The following SLCO1A2 variants were observed in gnomAD, a reference collection of about 807,000 sequenced individuals.
SLCO1A2 encodes the protein OATP-1.
Under a neutral mutation model 69.0 loss-of-function variants are expected in SLCO1A2, and 67 were observed. That is an observed-to-expected ratio of 0.97 (90% CI 0.80 to 1.19). The LOEUF is 1.19. Ranked by LOEUF, SLCO1A2 falls within the 50% of genes most tolerant of loss-of-function variation. The probability of loss-of-function intolerance (pLI) is 0.00; values close to 1 mark genes in which losing one functional copy is unlikely to be tolerated. For missense variants in SLCO1A2, 787 were observed against 793.7 expected (o/e 0.99, Z 0.10); for synonymous variants, 260 against 265.9 (o/e 0.98, Z 0.22).
At chr12:21,377,234 A>G (rs1202497170) in intron 1 of SLCO1A2, among the ~76,000 whole-genome samples, 1 of 152,198 alleles carries the variant, frequency 6.6e-6, no homozygotes, top group East Asian at 1.9e-4. Flanking sequence ...TCTTGAAAGC[A>G]TAAGATCCAA....
chr12:21,294,169 T>C lies in SLCO1A2; in HGVS notation c.1272-59A>G, dbSNP rs1012836986. 5 of 1,281,918 alleles carry C rather than the reference T, an allele frequency of 3.9e-6. No homozygotes were observed. The African/African-American group carries it at 7.6e-5, about 20-fold the overall frequency. 79.4% of individuals were successfully genotyped at this position (1,281,918 alleles called of 1,614,324 possible). A position where few individuals can be genotyped will look rare whatever the true frequency, so the allele number is the denominator to read the frequency against. ...AAAGAGGATTCAATCCTTTTTTTCTTCTTTTCATCTCAATCCCCAGTTAGA... is the reference window on the plus strand; with the variant it reads ...AAAGAGGATTCAATCCTTTTTTTCTCCTTTTCATCTCAATCCCCAGTTAGA... On this transcript the variant is annotated intron_variant, in intron 10 of 14. Transcript: ENST00000683939.
chr12:21,349,881 C>T (rs549312475), intron 2 of SLCO1A2, among the ~76,000 whole-genome samples: 3 of 152,254 alleles, frequency 2.0e-5, no homozygotes, highest in Non-Finnish European at 2.9e-5. Context: ...TATCATCACC[C>T]CTTTAATTGC....
chr12:21,287,657 T>G (rs1273001484), intron 12 of SLCO1A2, among the ~76,000 whole-genome samples: 1 of 127,254 alleles, frequency 7.9e-6, no homozygotes, highest in African/African-American at 3.1e-5. Flanking sequence ...GTGGCACATA[T>G]ACACCATGGA....
intron 2 of SLCO1A2, among the ~76,000 whole-genome samples, chr12:21,334,041 T>C (rs966858237): frequency 6.6e-6 from 1 of 151,984 alleles, no homozygotes; most frequent in Non-Finnish European, 1.5e-5. Context: ...TTCAAATTTG[T>C]TTGAATATAA....
intron 1 of SLCO1A2, among the ~76,000 whole-genome samples, chr12:21,392,825 C>T (rs55820877): frequency 6.6e-6 from 1 of 152,144 alleles, no homozygotes; most frequent in Non-Finnish European, 1.5e-5. Flanking sequence ...TAAGAGAAGT[C>T]ACTTTCAATT....
At chr12:21,317,598 C>T (rs113723655) in intron 3 of SLCO1A2, among the ~76,000 whole-genome samples, 119 of 152,266 alleles carry the variant, frequency 7.8e-4, no homozygotes, top group African/African-American at 2.6e-3. Flanking sequence ...TGAGTCAATT[C>T]GTGGGCTATA....
At chr12:21,336,178 C>T (rs1229394003), upstream of SLCO1A2, among the ~76,000 whole-genome samples, 1 of 151,982 alleles carries the variant, frequency 6.6e-6, no homozygotes, top group Non-Finnish European at 1.5e-5. Flanking sequence ...TATCTTAGCC[C>T]AATATAGTCA....
At chr12:21,314,740 C>A in intron 3 of SLCO1A2, 59 bp from the exon 4 acceptor site, 2 of 1,251,498 alleles carry the variant, frequency 1.6e-6, no homozygotes, top group South Asian at 2.5e-5. Flanking sequence ...TAATTAAGAG[C>A]CTCACCCAAT....
At chr12:21,416,937 A>G (rs952916922) in intron 1 of SLCO1A2, among the ~76,000 whole-genome samples, 16 of 152,176 alleles carry the variant, frequency 1.1e-4, no homozygotes, top group South Asian at 4.1e-4. Flanking sequence ...ATTTCCAAGG[A>G]AAAATCAAAC....
At chr12:21,417,805 C>T (rs1386370271) in intron 1 of SLCO1A2, 1 of 151,806 alleles carries the variant, frequency 6.6e-6, no homozygotes, top group African/African-American at 2.4e-5. Flanking sequence ...ACTTTAGATC[C>T]CATTAGAAAA....
chr12:21,410,597 A>G (rs1941892658), intron 1 of SLCO1A2, among the ~76,000 whole-genome samples: 1 of 152,142 alleles, frequency 6.6e-6, no homozygotes, highest in Admixed American at 6.6e-5. Flanking sequence ...TGTAAGTGCA[A>G]AAGTTTCTTC....
chr12:21,374,669 T>A (rs142590712), intron 1 of SLCO1A2: 13 of 152,322 alleles, frequency 8.5e-5, no homozygotes, highest in African/African-American at 2.4e-4. Context: ...TGACATGAAG[T>A]TTCTGATAAG....
intron 4 of SLCO1A2, among the ~76,000 whole-genome samples, chr12:21,308,300 C>CA (rs1332128517): frequency 6.6e-6 from 1 of 151,926 alleles, no homozygotes; most frequent in Non-Finnish European, 1.5e-5. Flanking sequence ...AAAGAGAGCT[C>CA]AACAAGATTT....
At chr12:21,353,170 C>G (rs559069060) in intron 2 of SLCO1A2, among the ~76,000 whole-genome samples, 1 of 152,052 alleles carries the variant, frequency 6.6e-6, no homozygotes, top group Non-Finnish European at 1.5e-5. Flanking sequence ...GAATTTATAA[C>G]TAAGAGAAAT....
intron 11 of SLCO1A2, among the ~76,000 whole-genome samples, 195 bp downstream of exon 11, chr12:21,293,750 G>A (rs1355964537): frequency 6.6e-6 from 1 of 152,056 alleles, no homozygotes; most frequent in East Asian, 1.9e-4. Context: ...CTGGTCAGAT[G>A]CTATGGAGGT....
At chr12:21,385,302 C>T (rs1043764728) in intron 1 of SLCO1A2, among the ~76,000 whole-genome samples, 2 of 152,148 alleles carry the variant, frequency 1.3e-5, no homozygotes, top group Admixed American at 1.3e-4. Context: ...TACAAATAAC[C>T]TGATCAAGCA....
At chr12:21,379,099 T>G (rs1460525630) in intron 1 of SLCO1A2, 3 of 152,104 alleles carry the variant, frequency 2.0e-5, no homozygotes, top group Non-Finnish European at 4.4e-5. Flanking sequence ...AATTAGTAAT[T>G]GTAAGTACCC....
At chr12:21,408,207 G>GTTA in intron 1 of SLCO1A2, among the ~76,000 whole-genome samples, 1 of 152,082 alleles carries the variant, frequency 6.6e-6, no homozygotes, top group African/African-American at 2.4e-5. Context: ...TGTTTTATAT[G>GTTA]ACAAACGAAT....
intron 2 of SLCO1A2, among the ~76,000 whole-genome samples, chr12:21,330,490 C>G (rs960681126): frequency 1.9e-4 from 29 of 151,982 alleles, no homozygotes; most frequent in Non-Finnish European, 4.4e-5. Context: ...GCCTGGGTGA[C>G]AGAGTGAGGC....
Sources: allele counts gnomAD v4.1 joint callset (sites outside exome capture counted in the v4.1 genomes callset), GRCh38; gene constraint gnomAD v4.1.1; transcripts MANE v1.5; gene names NCBI Gene and HGNC (gene_info 2026-07-23, HGNC 2026-07-21).